Variants in STK38 observed in about 807,000 individuals in gnomAD.
The protein encoded by STK38 is serine/threonine kinase 38.
A neutral mutation model predicts 59.0 loss-of-function variants in STK38; 26 were observed. The ratio of observed to expected loss-of-function variants is 0.44; its 90% confidence interval spans 0.32 to 0.61. STK38 has a LOEUF of 0.61. Ranked by LOEUF, STK38 falls within the 20% of genes least tolerant of loss-of-function variation. STK38 has a pLI of 0.04. For synonymous variants in STK38, 175 were observed against 176.6 expected, an observed-to-expected ratio of 0.99 and a Z score of 0.07; for missense variants, 433 against 566.0, an observed-to-expected ratio of 0.76 and a Z score of 2.38.
chr6:36,527,207 A>ATATATATATATAT lies in STK38; in HGVS notation c.132-1566_132-1565insATATATATATATA, dbSNP rs1554168828. Among the ~76,000 whole-genome samples the ATATATATATATAT allele has an allele frequency of 6.0e-4, 72 of 119,336 alleles. 1 individual carries two copies. The highest frequency in any genetic ancestry group is 4.6e-3 in the Admixed American group (45 of 9,710). The allele number at this position is 119,336 out of a possible 152,430, so 78.3% of individuals were successfully genotyped here. A position where few individuals can be genotyped will look rare whatever the true frequency, so the allele number is the denominator to read the frequency against. On this transcript the variant is annotated intron_variant, in intron 2 of 13. Transcript: ENST00000229812. ...ACTCCGTCTCAAAAAAAAAAAAAAA[A>ATATATATATATAT]ATATATGTATATATATATATATTTA...
intron 6 of STK38, among the ~76,000 whole-genome samples, chr6:36,516,777 A>G (rs1777265153): frequency 6.6e-6 from 1 of 152,178 alleles, no homozygotes; most frequent in Non-Finnish European, 1.5e-5. Flanking sequence ...CTCAGGCCAG[A>G]TGCTCTATGG....
At chr6:36,515,260 C>G in intron 7 of STK38, 78 bp downstream of exon 7, 1 of 1,528,714 alleles carries the variant, frequency 6.5e-7, no homozygotes, top group Non-Finnish European at 8.8e-7. Flanking sequence ...CTGGGATGAC[C>G]ACAGGGGTGC....
intron 6 of STK38, 139 bp from the exon 7 acceptor site, chr6:36,515,631 T>C: frequency 2.8e-6 from 4 of 1,443,162 alleles, no homozygotes; most frequent in South Asian, 1.4e-5. Context: ...AGACCTCTTC[T>C]GTGTGCCAGA....
At position 36,531,743 on chromosome 6, in the gene STK38, C is replaced by G. The variant is rs567693776; in HGVS notation, c.132-6101G>C. Among the ~76,000 whole-genome samples the G allele has an allele frequency of 5.3e-5, 8 of 152,266 alleles. No homozygotes were observed. In the East Asian group the frequency reaches 1.5e-3, roughly 29 times the overall value. ...TTATTTTTAAACCAATCTGTAGAAG[C>G]TACTATATTGTTTCTATGAAACTGC... is the stretch of plus-strand genomic sequence containing the variant. On this transcript the variant is annotated intron_variant, in intron 2 of 13. Transcript: ENST00000229812.
At chr6:36,542,637 C>CA (rs1007805205) in intron 1 of STK38, among the ~76,000 whole-genome samples, 4 of 151,900 alleles carry the variant, frequency 2.6e-5, no homozygotes, top group African/African-American at 9.7e-5. Flanking sequence ...CAGCGAGACT[C>CA]AGTCTCAAAA....
chr6:36,506,632 A>G lies in STK38; in HGVS notation c.785T>C (p.Met262Thr), dbSNP rs1776968912. The G allele has an allele frequency of 6.2e-7, 1 of 1,613,134 alleles. No homozygotes were observed. Among genetic ancestry groups the G allele is most frequent in the African/African-American group, 1.3e-5 (1 of 74,900 alleles). ...GGTTTCTGCTTTCCTTTTGGAATTC[A>G]TGTTCTGGAAAGCTGAAAGTAAAGA... ...SLPSDFTFQN[M>T]NSKRKAETWK... The change falls in exon 9 of 14, where the codon ATG (methionine) becomes ACG (threonine). Residue 262 changes from methionine to threonine, a missense_variant. Physicochemically the swap from Met to Thr is moderately conservative, Grantham distance 81 (BLOSUM62 -1). Around this residue, in one of 3 missense-constraint regions of STK38, gnomAD observed 293 missense variants for 388.2 expected, o/e 0.75. Coordinates refer to ENST00000229812, the MANE Select transcript of STK38 (RefSeq NM_007271.4).
intron 5 of STK38, among the ~76,000 whole-genome samples, chr6:36,520,684 C>T (rs1777357253): frequency 6.6e-6 from 1 of 151,990 alleles, no homozygotes; most frequent in Non-Finnish European, 1.5e-5. Context: ...AAAAGGTTGG[C>T]GTTAGCATAA....
Position 36,517,824 on chromosome 6 carries a change from G to A in STK38, c.407C>T (p.Ala136Val), listed in dbSNP as rs147345242. ...TGCCTCCACTAGAATGTCACGCTCC[G>A]CACGAATGTGGCCAACCTGGAGGTA... ...LEKEQVGHIR[A>V]ERDILVEADS... Residue 136 changes from alanine to valine, a missense_variant, in exon 6 of 14, where the codon GCG (alanine) becomes GTG (valine). Transcript: ENST00000229812. 4 of 1,613,626 alleles carry A rather than the reference G, an allele frequency of 2.5e-6. No homozygotes were observed. Among genetic ancestry groups the A allele is most frequent in the African/African-American group, 1.3e-5 (1 of 74,912 alleles).
At chr6:36,499,777 T>C in intron 10 of STK38, 96 bp downstream of exon 10, 1 of 974,158 alleles carries the variant, frequency 1.0e-6, no homozygotes, top group Non-Finnish European at 1.7e-6. Context: ...AGTAGGGAAA[T>C]CACTTAGATC....
chr6:36,534,651 TA>T (rs201572548), intron 2 of STK38, among the ~76,000 whole-genome samples: 1 of 150,220 alleles, frequency 6.7e-6, no homozygotes. Flanking sequence ...ACCCTGTCTC[TA>T]AAAAAAAACA....
At position 36,524,395 on chromosome 6, in the gene STK38, A is replaced by G; in HGVS notation, c.252T>C (p.Leu84=). The change falls in exon 4 of 14, where the codon CTT becomes CTC. Residue 84 remains leucine (L), a synonymous_variant. Coordinates refer to ENST00000229812, the MANE Select transcript of STK38 (RefSeq NM_007271.4). ...TEFLRLKRTR[L]GLEDFESLKV... is the part of the protein sequence containing the mutation. ...TTAAGGACTCAAAATCTTCCAATCC[A>G]AGTCTTGTTCTCTTCAAACGAAGAA... 6.2e-7 allele frequency: 1 copy of G among 1,613,684 alleles called. No individual in the cohort carries two copies. Among genetic ancestry groups the G allele is most frequent in the Non-Finnish European group, 8.5e-7 (1 of 1,179,864 alleles).
At position 36,517,829 on chromosome 6, in the gene STK38, A is replaced by T; in HGVS notation, c.402T>A (p.Ile134=). 6.2e-7 allele frequency: 1 copy of T among 1,613,992 alleles called. No individual in the cohort carries two copies. Among genetic ancestry groups the T allele is most frequent in the Non-Finnish European group, 8.5e-7 (1 of 1,179,914 alleles). Residue 134 remains isoleucine, a synonymous_variant, in exon 6 of 14, where the codon ATT becomes ATA. Transcript: ENST00000229812. ...DMLEKEQVGH[I]RAERDILVEA... is the part of the protein sequence containing the mutation. ...CCACTAGAATGTCACGCTCCGCACG[A>T]ATGTGGCCAACCTGGAGGTATATGC...
chr6:36,543,060 T>C (rs986553642), intron 1 of STK38, among the ~76,000 whole-genome samples: 24 of 152,088 alleles, frequency 1.6e-4, no homozygotes, highest in African/African-American at 3.9e-4. Flanking sequence ...GCATTGGCAA[T>C]AGCGCTCAAT....
intron 9 of STK38, among the ~76,000 whole-genome samples, chr6:36,502,990 G>A (rs57069130): frequency 0.034 from 5,116 of 152,274 alleles, 299 homozygotes; most frequent in African/African-American, 0.11. Flanking sequence ...ATTCCAGAAT[G>A]TAACTGTTTT....
intron 7 of STK38, among the ~76,000 whole-genome samples, chr6:36,512,135 T>C (rs1198540496): frequency 6.6e-6 from 1 of 152,214 alleles, no homozygotes; most frequent in East Asian, 1.9e-4. Context: ...CAAATGCTAT[T>C]CAAGCCTAGC....
intron 1 of STK38, among the ~76,000 whole-genome samples, chr6:36,543,091 G>A (rs1777978462): frequency 6.6e-6 from 1 of 150,522 alleles, no homozygotes; most frequent in African/African-American, 2.4e-5. Flanking sequence ...TTGAGACGAA[G>A]TCTCGCTCTG....
intron 9 of STK38, among the ~76,000 whole-genome samples, chr6:36,506,038 A>C (rs1776953916): frequency 6.6e-6 from 1 of 152,218 alleles, no homozygotes; most frequent in African/African-American, 2.4e-5. Context: ...ACATAATTTT[A>C]TATAGGCACA....
intron 6 of STK38, among the ~76,000 whole-genome samples, chr6:36,515,903 T>C (rs1345305713): frequency 6.6e-6 from 1 of 152,248 alleles, no homozygotes; most frequent in Non-Finnish European, 1.5e-5. Flanking sequence ...ACAATCTATG[T>C]ATTGTTATAG....
Position 36,536,836 on chromosome 6 carries a change from C to G in STK38, c.131+3236G>C, listed in dbSNP as rs116260334. The stretch of plus-strand genomic sequence containing the variant: ...CAGGTGTGAGCCACCGCACCTGGCC[C>G]AAATTAGTTAATTTTTTTTTTTTAA... On this transcript the variant is annotated intron_variant, in intron 2 of 13. Coordinates refer to ENST00000229812, the MANE Select transcript of STK38 (RefSeq NM_007271.4). 4.0e-3 allele frequency among the ~76,000 whole-genome samples: 602 copies of G among 151,560 alleles called. 5 individuals carry two copies. The highest frequency in any genetic ancestry group is 0.013 in the African/African-American group (552 of 41,308).
Sources: allele counts gnomAD v4.1 joint callset (sites outside exome capture counted in the v4.1 genomes callset), GRCh38; gene constraint gnomAD v4.1.1; regional missense constraint gnomAD v4.1.1; transcripts MANE v1.5; gene names NCBI Gene and HGNC (gene_info 2026-07-23, HGNC 2026-07-21).